Variants in MEGF9 observed in about 807,000 individuals in gnomAD.
MEGF9 encodes the protein multiple epidermal growth factor-like domains protein 9.
MEGF9 carries 6 observed loss-of-function variants against 46.8 expected under a neutral mutation model. The observed-to-expected ratio is 0.13, with a 90% confidence interval of 0.07 to 0.25. MEGF9 has a LOEUF of 0.25. Among genes scored for constraint, MEGF9 ranks in the 10% least tolerant of loss-of-function variants. The pLI, the probability that MEGF9 is intolerant of heterozygous loss-of-function variation, is 1.00. For missense variants in MEGF9, 683 were observed against 792.4 expected (o/e 0.86, Z 1.66); for synonymous variants, 302 against 330.7 (o/e 0.91, Z 0.94).
chr9:120,686,593 C>T (rs563726542), intron 1 of MEGF9, among the ~76,000 whole-genome samples: 5 of 152,312 alleles, frequency 3.3e-5, no homozygotes, highest in African/African-American at 7.2e-5. Context: ...ACTTCCCTAA[C>T]TAGAAGCTAG....
intron 1 of MEGF9, among the ~76,000 whole-genome samples, chr9:120,700,619 G>A (rs531362087): frequency 6.6e-6 from 1 of 152,050 alleles, no homozygotes; most frequent in South Asian, 2.1e-4. Context: ...TAAATATATT[G>A]GAATGCAAGT....
At chr9:120,702,906 C>T (rs1434022599) in intron 1 of MEGF9, among the ~76,000 whole-genome samples, 1 of 152,212 alleles carries the variant, frequency 6.6e-6, no homozygotes, top group Non-Finnish European at 1.5e-5. Context: ...AAACTACTTG[C>T]TTTTACTAGA....
chr9:120,714,316 G>T lies in MEGF9; in HGVS notation c.43C>A (p.Leu15Met). 7.5e-7 allele frequency: 1 copy of T among 1,326,484 alleles called. No individual in the cohort carries two copies. The highest frequency in any genetic ancestry group is 9.7e-7 in the Non-Finnish European group (1 of 1,035,990). The allele number at this position is 1,326,484 out of a possible 1,614,324, so 82.2% of individuals were successfully genotyped here. Residue 15 changes from leucine to methionine, a missense_variant, in exon 1 of 6, where the codon CTG becomes ATG. By Grantham distance (15) the Leu-to-Met change is conservative. Around this residue, in one of 2 missense-constraint regions of MEGF9, gnomAD observed 370 missense variants for 371.3 expected, o/e 1.00. Coordinates refer to ENST00000373930, the MANE Select transcript of MEGF9 (RefSeq NM_001080497.3). ...AERAMRSLPS[L>M]GGLALLCCAA... ...CAGCACAACAGGGCGAGGCCGCCCA[G>T]GCTCGGCAGGCTCCTCATGGCGCGC...
chr9:120,648,128 C>T (rs556259040), intron 2 of MEGF9, among the ~76,000 whole-genome samples: 2 of 152,238 alleles, frequency 1.3e-5, no homozygotes, highest in East Asian at 3.9e-4. Flanking sequence ...CCCACTCTTT[C>T]TAACCACCAG....
rs1375520406 is a variant in MEGF9 at position 120,603,409 on chromosome 9, A to G, written c.*1781T>C. The G allele has an allele frequency of 1.3e-5, 2 of 152,184 alleles. No homozygotes were observed. The highest frequency in any genetic ancestry group is 4.8e-5 in the African/African-American group (2 of 41,444). The allele number at this position is 152,184 out of a possible 1,614,324, so 9.4% of individuals were successfully genotyped here. ...GGCCAAATACGCAAAGCACCCTCAG[A>G]TTACCAGAAGTAGATTATTTGCTTG... On this transcript the variant is annotated 3_prime_UTR_variant, in exon 6 of 6. Coordinates refer to ENST00000373930, the MANE Select transcript of MEGF9 (RefSeq NM_001080497.3).
At chr9:120,644,910 C>T (rs2043618926) in intron 2 of MEGF9, among the ~76,000 whole-genome samples, 1 of 152,136 alleles carries the variant, frequency 6.6e-6, no homozygotes, top group Non-Finnish European at 1.5e-5. Flanking sequence ...TAGTAAAATG[C>T]CCTATAAGAG....
intron 1 of MEGF9, among the ~76,000 whole-genome samples, chr9:120,667,726 TA>T (rs1205910597): frequency 1.3e-5 from 2 of 152,008 alleles, no homozygotes; most frequent in Admixed American, 1.3e-4. Context: ...AATGAGTCTT[TA>T]AAAAAACCAA....
intron 2 of MEGF9, among the ~76,000 whole-genome samples, chr9:120,650,727 A>G (rs2043645875): frequency 6.6e-6 from 1 of 152,266 alleles, no homozygotes; most frequent in African/African-American, 2.4e-5. Flanking sequence ...TTTTTAAAAG[A>G]GAACAGAGAG....
At chr9:120,616,885 G>A (rs1262922508) in intron 3 of MEGF9, among the ~76,000 whole-genome samples, 1 of 151,990 alleles carries the variant, frequency 6.6e-6, no homozygotes, top group East Asian at 1.9e-4. Flanking sequence ...TATTCCATAG[G>A]ACATAATGTT....
At chr9:120,678,290 T>C (rs2043782607) in intron 1 of MEGF9, among the ~76,000 whole-genome samples, 1 of 152,206 alleles carries the variant, frequency 6.6e-6, no homozygotes, top group Admixed American at 6.5e-5. Context: ...TGGATTTCCT[T>C]TGAGTATATA....
intron 1 of MEGF9, among the ~76,000 whole-genome samples, chr9:120,686,387 C>T (rs544124292): frequency 6.6e-6 from 1 of 152,272 alleles, no homozygotes; most frequent in South Asian, 2.1e-4. Context: ...CGAGGGAATT[C>T]TTATTTAATG....
chr9:120,681,266 T>G (rs1197053236), intron 1 of MEGF9, among the ~76,000 whole-genome samples: 1 of 152,130 alleles, frequency 6.6e-6, no homozygotes, highest in Admixed American at 6.5e-5. Context: ...CAGGACTGGG[T>G]CCTTCCCTTG....
At chr9:120,674,512 T>C (rs2043764104) in intron 1 of MEGF9, among the ~76,000 whole-genome samples, 1 of 152,172 alleles carries the variant, frequency 6.6e-6, no homozygotes, top group South Asian at 2.1e-4. Context: ...AGTAGAACTC[T>C]AGTACAATGT....
At chr9:120,686,282 G>T (rs571763803) in intron 1 of MEGF9, among the ~76,000 whole-genome samples, 1 of 152,190 alleles carries the variant, frequency 6.6e-6, no homozygotes, top group East Asian at 1.9e-4. Context: ...AGTAGAGACG[G>T]GGTTTCACTG....
rs2043399312 is a variant in MEGF9, at chr9:120,602,134, C to G, written c.*3056G>C. ...AAGTGATTCTCCTGCCTCAGCCTCC[C>G]AAGTAGCTGAGACTACAGGCACGTA... is the stretch of plus-strand genomic sequence containing the variant. On this transcript the variant is annotated 3_prime_UTR_variant, in exon 6 of 6. Transcript: ENST00000373930. The G allele has an allele frequency of 6.6e-6, 1 of 152,266 alleles. No homozygotes were observed. The highest frequency in any genetic ancestry group is 2.4e-5 in the African/African-American group (1 of 41,408). 9.4% of individuals were successfully genotyped at this position (152,266 alleles called of 1,614,324 possible). A position where few individuals can be genotyped will look rare whatever the true frequency, so the allele number is the denominator to read the frequency against.
At chr9:120,640,515 A>G (rs1188250042) in intron 2 of MEGF9, among the ~76,000 whole-genome samples, 1 of 151,804 alleles carries the variant, frequency 6.6e-6, no homozygotes, top group Non-Finnish European at 1.5e-5. Context: ...TTCCTCTGCT[A>G]TATTCCCAGT....
chr9:120,609,667 T>C (rs1005746279), intron 4 of MEGF9, among the ~76,000 whole-genome samples: 5 of 152,122 alleles, frequency 3.3e-5, no homozygotes, highest in African/African-American at 1.2e-4. Context: ...GGATTCTTAA[T>C]TATATTTAAT....
At chr9:120,663,770 G>A (rs538898641) in intron 1 of MEGF9, among the ~76,000 whole-genome samples, 1 of 152,234 alleles carries the variant, frequency 6.6e-6, no homozygotes, top group East Asian at 1.9e-4. Context: ...TGAGTAGCAG[G>A]TTTCCTTTCA....
intron 2 of MEGF9, among the ~76,000 whole-genome samples, chr9:120,658,467 A>G (rs2043687349): frequency 6.6e-6 from 1 of 152,224 alleles, no homozygotes; most frequent in Non-Finnish European, 1.5e-5. Context: ...ATTAAAACAA[A>G]CCAGAATTTA....
Sources: allele counts gnomAD v4.1 joint callset (sites outside exome capture counted in the v4.1 genomes callset), GRCh38; gene constraint gnomAD v4.1.1; regional missense constraint gnomAD v4.1.1; transcripts MANE v1.5; gene names NCBI Gene and HGNC (gene_info 2026-07-23, HGNC 2026-07-21).